Variants in KAT7 observed in about 807,000 individuals in gnomAD.
KAT7 encodes the protein lysine acetyltransferase 7.
A neutral mutation model predicts 82.1 loss-of-function variants in KAT7; 10 were observed. The observed-to-expected ratio is 0.12, with a 90% CI of 0.08 to 0.21. The LOEUF is 0.21. Ranked by LOEUF, KAT7 falls within the 10% of genes least tolerant of loss-of-function variation. The pLI, the probability that KAT7 is intolerant of heterozygous loss-of-function variation, is 1.00. For missense variants in KAT7, 378 were observed against 760.9 expected (o/e 0.50, Z 5.92); for synonymous variants, 250 against 262.5 (o/e 0.95, Z 0.46).
intron 4 of KAT7, among the ~76,000 whole-genome samples, chr17:49,802,408 A>T (rs547898858): frequency 6.6e-6 from 1 of 152,248 alleles, no homozygotes; most frequent in South Asian, 2.1e-4. Flanking sequence ...TGGCTCATGC[A>T]TGTAATCCCA....
chr17:49,804,378 CAA>C (rs1192411045), intron 4 of KAT7, among the ~76,000 whole-genome samples: 12 of 93,006 alleles, frequency 1.3e-4, no homozygotes, highest in Admixed American at 2.4e-4. Context: ...GACTCCGTCT[CAA>C]AAAAAAAAAA....
intron 1 of KAT7, chr17:49,789,940 C>G (rs2143826602): frequency 6.6e-6 from 1 of 152,130 alleles, no homozygotes; most frequent in African/African-American, 2.4e-5. Flanking sequence ...AGGAATAAGT[C>G]TCACGTCAAG....
Position 49,827,472 on chromosome 17 carries a change from C to T in KAT7, c.1806C>T (p.Cys602=). The T allele has an allele frequency of 6.2e-7, 1 of 1,613,404 alleles. No individual in the cohort carries two copies. The highest frequency in any genetic ancestry group is 8.5e-7 in the Non-Finnish European group (1 of 1,179,374). The change falls in exon 15 of 15, where the codon TGC becomes TGT. Residue 602 remains cysteine (C), a synonymous_variant. Coordinates refer to ENST00000259021, the MANE Select transcript of KAT7 (RefSeq NM_007067.5). The stretch of plus-strand genomic sequence containing the variant: ...CCAATAAAACCATGGATCCCAGCTG[C>T]TTAAAATGGACCCCTCCCAAGGGCA... ...SNSNKTMDPS[C]LKWTPPKGT is the part of the protein sequence containing the mutation.
chr17:49,791,393 C>T (rs2073886849), intron 1 of KAT7, among the ~76,000 whole-genome samples: 1 of 152,192 alleles, frequency 6.6e-6, no homozygotes, highest in South Asian at 2.1e-4. Flanking sequence ...TGTGGTGGCT[C>T]ACGTCTGTAA....
intron 5 of KAT7, among the ~76,000 whole-genome samples, chr17:49,808,309 G>A (rs1303496410): frequency 6.6e-6 from 1 of 151,434 alleles, no homozygotes; most frequent in African/African-American, 2.4e-5. Flanking sequence ...TAGTAAAGAC[G>A]GGGTTTCACC....
At chr17:49,796,342 A>G (rs1457526288) in intron 2 of KAT7, among the ~76,000 whole-genome samples, 1 of 152,254 alleles carries the variant, frequency 6.6e-6, no homozygotes, top group Non-Finnish European at 1.5e-5. Flanking sequence ...AGCACTCTGT[A>G]CCACGGATCA....
intron 3 of KAT7, 53 bp from the exon 4 acceptor site, chr17:49,798,266 C>G: frequency 6.4e-7 from 1 of 1,570,688 alleles, no homozygotes; most frequent in Non-Finnish European, 8.7e-7. Context: ...GAATAGTAAA[C>G]TTCTAAATAA....
intron 4 of KAT7, among the ~76,000 whole-genome samples, 191 bp downstream of exon 4, chr17:49,798,749 T>G (rs1021112491): frequency 6.6e-6 from 1 of 152,022 alleles, no homozygotes; most frequent in Non-Finnish European, 1.5e-5. Context: ...ATAATAGATC[T>G]GGTTGTAAGG....
intron 1 of KAT7, among the ~76,000 whole-genome samples, chr17:49,791,129 T>C (rs1197745930): frequency 6.6e-6 from 1 of 152,190 alleles, no homozygotes; most frequent in African/African-American, 2.4e-5. Context: ...GCACTAACAA[T>C]TTTCATCTTT....
chr17:49,817,018 C>A (rs1456454823), intron 8 of KAT7, among the ~76,000 whole-genome samples: 1 of 152,066 alleles, frequency 6.6e-6, no homozygotes, highest in Non-Finnish European at 1.5e-5. Context: ...CTAGAATTAT[C>A]ATGCACATTT....
At chr17:49,797,821 G>A (rs1411402385) in intron 3 of KAT7, among the ~76,000 whole-genome samples, 3 of 152,204 alleles carry the variant, frequency 2.0e-5, no homozygotes, top group Non-Finnish European at 2.9e-5. Flanking sequence ...GCCTTGCTGA[G>A]CCCCTGTAGG....
chr17:49,810,674 G>T (rs149175658), intron 6 of KAT7, among the ~76,000 whole-genome samples: 125 of 152,314 alleles, frequency 8.2e-4, no homozygotes, highest in African/African-American at 2.8e-3. Flanking sequence ...TTCTATAAAT[G>T]ATTAGTTGAA....
At chr17:49,811,676 C>T (rs1684135277) in intron 7 of KAT7, 102 bp downstream of exon 7, 3 of 508,436 alleles carry the variant, frequency 5.9e-6, no homozygotes, top group Non-Finnish European at 1.0e-5. Flanking sequence ...ATTTAGTATT[C>T]TCCACATGTG....
Position 49,832,862 on chromosome 17 carries a change from G to C in KAT7, c.*5360G>C, listed in dbSNP as rs890025660. The C allele has an allele frequency of 6.6e-6, 1 of 152,228 alleles. No homozygotes were observed. Among genetic ancestry groups the C allele is most frequent in the Admixed American group, 6.5e-5 (1 of 15,282 alleles). 9.4% of individuals were successfully genotyped at this position (152,228 alleles called of 1,614,324 possible). On this transcript the variant is annotated 3_prime_UTR_variant, in exon 15 of 15. Transcript: ENST00000259021. Reference sequence around the variant, plus strand: ...CTAGGACTTCTAGAAGCCACCCTTTGCTTTGCTGTTCATTGGGATCATGGA... The same window carrying C: ...CTAGGACTTCTAGAAGCCACCCTTTCCTTTGCTGTTCATTGGGATCATGGA...
chr17:49,801,498 CT>C (rs890659929), intron 4 of KAT7, among the ~76,000 whole-genome samples: 2 of 150,820 alleles, frequency 1.3e-5, no homozygotes, highest in East Asian at 1.9e-4. Flanking sequence ...CCAAAGTATC[CT>C]TTTTTTTTGA....
chr17:49,815,652 G>A, intron 7 of KAT7, 151 bp from the exon 8 acceptor site: 1 of 544,722 alleles, frequency 1.8e-6, no homozygotes. Flanking sequence ...CTGATAAGTA[G>A]TATGTCTTGT....
chr17:49,808,583 G>A (rs1295121830), intron 5 of KAT7, among the ~76,000 whole-genome samples: 1 of 150,680 alleles, frequency 6.6e-6, no homozygotes, highest in African/African-American at 2.4e-5. Flanking sequence ...CCCGAGTAGC[G>A]GGGATCACAG....
intron 6 of KAT7, 24 bp from the exon 7 acceptor site, chr17:49,811,452 C>G: frequency 8.2e-7 from 1 of 1,212,718 alleles, no homozygotes; most frequent in Non-Finnish European, 1.2e-6. Flanking sequence ...AGTTTTCTCT[C>G]AGTTTTCTCC....
rs2074252801 is a variant in KAT7 at position 49,817,839 on chromosome 17, G to A, written c.983G>A (p.Gly328Asp). The A allele has an allele frequency of 6.2e-7, 1 of 1,612,122 alleles. No homozygotes were observed. Among genetic ancestry groups the A allele is most frequent in the Non-Finnish European group, 8.5e-7 (1 of 1,179,782 alleles). ...SEDLEKLRLQ[G>D]QITEGSNMIK... Reference sequence around the variant, plus strand: ...CAATAGGAGAAGTTAAGGCTGCAAGGCCAAATCACAGAGGGAAGCAACATG... The same window carrying A: ...CAATAGGAGAAGTTAAGGCTGCAAGACCAAATCACAGAGGGAAGCAACATG... Residue 328 changes from glycine (G) to aspartate (D), a missense_variant, in exon 9 of 15, where the codon GGC (glycine) becomes GAC (aspartate). Transcript: ENST00000259021.
Sources: allele counts gnomAD v4.1 joint callset (sites outside exome capture counted in the v4.1 genomes callset), GRCh38; gene constraint gnomAD v4.1.1; transcripts MANE v1.5; gene names NCBI Gene and HGNC (gene_info 2026-07-23, HGNC 2026-07-21).